Variants in RBM46 observed in about 807,000 individuals in gnomAD.
RBM46 encodes probable RNA-binding protein 46.
In RBM46, 12 loss-of-function variants were observed where a neutral mutation model predicts 43.3. The ratio of observed to expected loss-of-function variants is 0.28; its 90% CI spans 0.18 to 0.45. RBM46 has a LOEUF of 0.45. Ranked by LOEUF, RBM46 falls within the 20% of genes least tolerant of loss-of-function variation. The pLI is 1.00. For synonymous variants in RBM46, 205 were observed against 207.6 expected (o/e 0.99, Z 0.11); for missense variants, 412 against 639.1 (o/e 0.64, Z 3.83).
chr4:154,828,123 C>G lies in RBM46; in HGVS notation c.*56C>G. 1.6e-6 allele frequency: 2 copies of G among 1,287,694 alleles called. No homozygotes were observed. The highest frequency in any genetic ancestry group is 2.4e-5 in the South Asian group (2 of 82,134). 79.8% of individuals were successfully genotyped at this position (1,287,694 alleles called of 1,614,324 possible). A position where few individuals can be genotyped will look rare whatever the true frequency, so the allele number is the denominator to read the frequency against. ...TGTAAATTTGTAGTATGAAAACTTG[C>G]AAATTAAAATATTGTTTTATTTTAG... On this transcript the variant is annotated 3_prime_UTR_variant, in exon 5 of 5. Transcript: ENST00000281722.
intron 4 of RBM46, among the ~76,000 whole-genome samples, chr4:154,805,531 CTTT>C (rs947073215): frequency 1.3e-5 from 2 of 151,662 alleles, no homozygotes; most frequent in Admixed American, 1.3e-4. Flanking sequence ...TTAGCTTATC[CTTT>C]TTTTCAAATG....
chr4:154,827,325 A>G, intron 4 of RBM46: 1 of 963,546 alleles, frequency 1.0e-6, no homozygotes, highest in Non-Finnish European at 1.2e-6. Context: ...AGGACTTTTA[A>G]TGTTAAATCA....
chr4:154,822,900 T>C (rs1331967189), intron 4 of RBM46, among the ~76,000 whole-genome samples: 2 of 151,852 alleles, frequency 1.3e-5, no homozygotes, highest in African/African-American at 4.8e-5. Flanking sequence ...AATTACTGTA[T>C]GACTCAGCAG....
At chr4:154,820,352 A>C in intron 4 of RBM46, 1 of 1,507,578 alleles carries the variant, frequency 6.6e-7, no homozygotes, top group Non-Finnish European at 8.9e-7. Flanking sequence ...TTCTGTCTTC[A>C]CTGCTTACAG....
Position 154,828,368 on chromosome 4 carries a change from ATGT to A in RBM46, c.*303_*305del. ...AGTGGGCAATAGAACCTAGTCATTT[ATGT>A]TTTTTTTTTTTTTTGCATAATTTTA... On this transcript the variant is annotated 3_prime_UTR_variant, in exon 5 of 5. Transcript: ENST00000281722. The A allele has an allele frequency of 5.1e-6, 1 of 194,224 alleles. No individual in the cohort carries two copies. The highest frequency in any genetic ancestry group is 8.8e-6 in the Non-Finnish European group (1 of 113,364). 12.0% of individuals were successfully genotyped at this position (194,224 alleles called of 1,614,324 possible). A position where few individuals can be genotyped will look rare whatever the true frequency, so the allele number is the denominator to read the frequency against.
At chr4:154,827,090 C>G in intron 4 of RBM46, 3 of 1,106,806 alleles carry the variant, frequency 2.7e-6, no homozygotes, top group Non-Finnish European at 3.3e-6. Flanking sequence ...TATACACACA[C>G]ACATATAAAT....
At chr4:154,788,623 G>A (rs967327800) in intron 1 of RBM46, among the ~76,000 whole-genome samples, 28 of 152,228 alleles carry the variant, frequency 1.8e-4, no homozygotes, top group African/African-American at 6.3e-4. Context: ...AGCGTGGTGC[G>A]TCCAGCTTTG....
chr4:154,797,720 G>A, intron 2 of RBM46, 91 bp from the exon 3 acceptor site: 3 of 863,960 alleles, frequency 3.5e-6, no homozygotes, highest in Non-Finnish European at 5.3e-6. Flanking sequence ...GTGGCACATA[G>A]CACAGCAAAT....
chr4:154,781,904 G>A (rs1464183982), intron 1 of RBM46: 1 of 152,282 alleles, frequency 6.6e-6, no homozygotes, highest in East Asian at 1.9e-4. Flanking sequence ...GGAGGCTTTG[G>A]ACGCCGTCTG....
intron 4 of RBM46, among the ~76,000 whole-genome samples, chr4:154,823,386 GTGGA>G (rs1475211693): frequency 6.6e-6 from 1 of 151,868 alleles, no homozygotes; most frequent in African/African-American, 2.4e-5. Context: ...AAGATAGAAA[GTGGA>G]TGGATATGGT....
chr4:154,797,553 A>C (rs1370533944), intron 2 of RBM46, among the ~76,000 whole-genome samples: 1 of 152,102 alleles, frequency 6.6e-6, no homozygotes, highest in Non-Finnish European at 1.5e-5. Context: ...CTCTGCTTAA[A>C]TCTCACGTAC....
Position 154,786,767 on chromosome 4 carries a change from A to T in RBM46, c.-12+5331A>T, listed in dbSNP as rs944641849. On this transcript the variant is annotated intron_variant, in intron 1 of 4. Coordinates refer to ENST00000281722, the MANE Select transcript of RBM46 (RefSeq NM_144979.5). Reference sequence around the variant, plus strand: ...CATAGTGAAACCCCACCTCTACTAAAAATACAAAAATTAGCCAGGCATGAT... The same window carrying T: ...CATAGTGAAACCCCACCTCTACTAATAATACAAAAATTAGCCAGGCATGAT... Among the ~76,000 whole-genome samples, 9 of 152,184 alleles carry T rather than the reference A, an allele frequency of 5.9e-5. 1 individual carries two copies. In the South Asian group the frequency reaches 1.7e-3, roughly 28 times the overall value.
At chr4:154,814,009 C>T (rs1735309542) in intron 4 of RBM46, among the ~76,000 whole-genome samples, 1 of 151,984 alleles carries the variant, frequency 6.6e-6, no homozygotes, top group African/African-American at 2.4e-5. Flanking sequence ...GTTTCAGTGA[C>T]ATTTTAAACT....
At chr4:154,799,760 T>C (rs76376822) in intron 4 of RBM46, among the ~76,000 whole-genome samples, 196 bp downstream of exon 4, 7 of 148,356 alleles carry the variant, frequency 4.7e-5, no homozygotes, top group East Asian at 2.0e-4. Context: ...CTTTTCTTTT[T>C]TTTTTTTTTT....
At chr4:154,807,175 G>A (rs1395703255) in intron 4 of RBM46, among the ~76,000 whole-genome samples, 2 of 151,526 alleles carry the variant, frequency 1.3e-5, no homozygotes, top group East Asian at 3.9e-4. Context: ...ACAATTAAAT[G>A]TTAGTAGCAG....
At chr4:154,820,295 A>G (rs1735664878) in intron 4 of RBM46, 2 of 978,344 alleles carry the variant, frequency 2.0e-6, no homozygotes, top group African/African-American at 1.7e-5. Context: ...CAAGGATTCC[A>G]TGCACTTCCA....
chr4:154,814,378 A>G (rs979681437), intron 4 of RBM46, among the ~76,000 whole-genome samples: 2 of 152,078 alleles, frequency 1.3e-5, no homozygotes, highest in African/African-American at 4.8e-5. Context: ...AAAAGGAATG[A>G]CACAAATAAG....
chr4:154,813,673 A>T (rs1238741106), intron 4 of RBM46, among the ~76,000 whole-genome samples: 3 of 152,024 alleles, frequency 2.0e-5, no homozygotes, highest in Admixed American at 2.0e-4. Flanking sequence ...TTCTAATCTT[A>T]GTTTATTACT....
At chr4:154,800,506 A>G (rs1734580874) in intron 4 of RBM46, among the ~76,000 whole-genome samples, 1 of 152,274 alleles carries the variant, frequency 6.6e-6, no homozygotes, top group African/African-American at 2.4e-5. Context: ...TTGCAAAAGC[A>G]TAGAAAGATA....
Sources: gnomAD v4.1 joint callset for allele counts (sites outside exome capture counted in the v4.1 genomes callset) on GRCh38, gnomAD v4.1.1 for gene constraint, MANE v1.5 for transcripts, NCBI Gene and HGNC (gene_info 2026-07-23, HGNC 2026-07-21) for gene names.